The following TLE6 variants were observed in gnomAD, a reference collection of about 807,000 sequenced individuals.
TLE6 encodes the protein transducin-like enhancer protein 6.
Under a neutral mutation model 77.1 loss-of-function variants are expected in TLE6, and 72 were observed. The observed-to-expected ratio is 0.93, with a 90% CI of 0.77 to 1.14. TLE6 has a LOEUF of 1.14. TLE6 is among the 50% of genes most tolerant of loss of function. The pLI, the probability that TLE6 is intolerant of heterozygous loss-of-function variation, is 0.00. For synonymous variants in TLE6, 366 were observed against 287.3 expected, an observed-to-expected ratio of 1.27 and a Z score of -2.77; for missense variants, 843 against 747.6, an observed-to-expected ratio of 1.13 and a Z score of -1.49.
At chr19:2,977,779 A>G (rs2088707496) in intron 1 of TLE6, among the ~76,000 whole-genome samples, 169 bp downstream of exon 1, 1 of 152,088 alleles carries the variant, frequency 6.6e-6, no homozygotes, top group Non-Finnish European at 1.5e-5. Context: ...TGTCTGATGA[A>G]TTCCGCCTAA....
At chr19:2,993,728 G>A (rs1395686320) in intron 15 of TLE6, 146 bp downstream of exon 15, 1 of 1,089,402 alleles carries the variant, frequency 9.2e-7, no homozygotes, top group Non-Finnish European at 1.3e-6. Context: ...TGCTCTTATA[G>A]TGGAATGAGG....
intron 13 of TLE6, among the ~76,000 whole-genome samples, chr19:2,990,596 ACT>A (rs1371750964): frequency 6.7e-6 from 1 of 149,116 alleles, no homozygotes; most frequent in South Asian, 2.1e-4. Context: ...ACAGAGCAAG[ACT>A]CTGTCTCAAA....
chr19:2,990,468 G>C (rs986822398), intron 13 of TLE6, among the ~76,000 whole-genome samples: 4 of 150,704 alleles, frequency 2.7e-5, no homozygotes, highest in Non-Finnish European at 5.9e-5. Context: ...GCCAGGCGCG[G>C]TGGTGGGTAC....
At position 2,993,997 on chromosome 19, in the gene TLE6, G is replaced by A. The variant is rs372757142; in HGVS notation, c.1538-22G>A. On this transcript the variant is annotated intron_variant, in intron 15 of 16. Transcript: ENST00000246112. ...GAAAAAGGTAGTGGTTCTAAGTCTC[G>A]CTGATGCTCCATTTCTCCCAGGCCA... 1.7e-5 allele frequency: 27 copies of A among 1,588,482 alleles called. No homozygotes were observed. The Admixed American group carries it at 2.2e-4, about 13-fold the overall frequency.
chr19:2,986,726 A>G (rs2088919371), intron 5 of TLE6, 103 bp from the exon 6 acceptor site: 2 of 1,182,716 alleles, frequency 1.7e-6, no homozygotes, highest in East Asian at 2.6e-5. Context: ...AAAAACAAGT[A>G]GATTGATATA....
At chr19:2,990,386 G>A (rs1300219289) in intron 13 of TLE6, among the ~76,000 whole-genome samples, 2 of 150,648 alleles carry the variant, frequency 1.3e-5, no homozygotes, top group East Asian at 2.0e-4. Context: ...GCAGATCCAC[G>A]AGGTCAGGAG....
rs1241035957 is a variant in TLE6 at position 2,987,174 on chromosome 19, G to A, written c.477G>A (p.Leu159=). The stretch of plus-strand genomic sequence containing the variant: ...AGCCTTGGTTTTGGCACGACACTCT[G>A]ACCGAGCAACTCTGGCGGATTTTTG... ...DKEPWFWHDT[L]TEQLWRIFAG... is the part of the protein sequence containing the mutation. The change falls in exon 7 of 17, where the codon CTG becomes CTA. Residue 159 remains leucine (L), a synonymous_variant. Coordinates refer to ENST00000246112, the MANE Select transcript of TLE6 (RefSeq NM_001143986.2). 1 of 1,613,910 alleles carries A rather than the reference G, an allele frequency of 6.2e-7. No homozygotes were observed. Among genetic ancestry groups the A allele is most frequent in the East Asian group, 2.2e-5 (1 of 44,888 alleles).
At position 2,989,582 on chromosome 19, in the gene TLE6, G is replaced by A; in HGVS notation, c.1041G>A (p.Arg347=). The part of the protein sequence containing the change: ...LRTCLLSSNS[R]SLLTGGYNLA... The stretch of plus-strand genomic sequence containing the variant: ...CCTGCCTGCTGTCCTCAAACAGCAG[G>A]AGCCTGCTCACCGGTGGCTACAACC... The change falls in exon 13 of 17, where the codon AGG becomes AGA. Residue 347 remains arginine, a synonymous_variant. Transcript: ENST00000246112. The A allele has an allele frequency of 6.2e-7, 1 of 1,613,734 alleles. No homozygotes were observed. Among genetic ancestry groups the A allele is most frequent in the Non-Finnish European group, 8.5e-7 (1 of 1,179,944 alleles).
intron 4 of TLE6, 141 bp from the exon 5 acceptor site, chr19:2,982,007 G>T: frequency 2.5e-6 from 2 of 793,418 alleles, no homozygotes; most frequent in South Asian, 1.7e-5. Context: ...AGTGTAGTAA[G>T]AAAGTAAAAG....
chr19:2,981,490 G>A lies in TLE6; in HGVS notation c.135-48G>A, dbSNP rs781102891. On this transcript the variant is annotated intron_variant, in intron 3 of 16. Coordinates refer to ENST00000246112, the MANE Select transcript of TLE6 (RefSeq NM_001143986.2). The stretch of plus-strand genomic sequence containing the variant: ...TGAGGGTGGGGCTCACTCTGGGGAG[G>A]GAGTCCTGAAGCCACAGGTCTTCCA... 9.4e-5 allele frequency: 145 copies of A among 1,545,662 alleles called. 1 individual carries two copies. The highest frequency in any genetic ancestry group is 6.3e-4 in the African/African-American group (46 of 73,008).
chr19:2,993,920 CAAAA>C (rs34647224), intron 15 of TLE6, 95 bp from the exon 16 acceptor site: 14,895 of 523,996 alleles, frequency 0.028, 2 homozygotes, highest in East Asian at 0.043. Flanking sequence ...GACCCTGTCT[CAAAA>C]AAAAAAAAAA....
chr19:2,990,465 G>A (rs1304249761), intron 13 of TLE6, among the ~76,000 whole-genome samples: 1 of 150,524 alleles, frequency 6.6e-6, no homozygotes, highest in Non-Finnish European at 1.5e-5. Flanking sequence ...TTAGCCAGGC[G>A]CGGTGGTGGG....
chr19:2,983,355 G>C (rs1448325146), intron 5 of TLE6, among the ~76,000 whole-genome samples: 1 of 152,166 alleles, frequency 6.6e-6, no homozygotes, highest in African/African-American at 2.4e-5. Context: ...GCAAGGCGGG[G>C]GATGGAAGAG....
In TLE6 at chr19:2,995,060, C is replaced by A. The variant is rs1568223523; in HGVS notation, c.*56C>A. Reference sequence around the variant, plus strand: ...TCCTCTTTTCATCCCCCCCCTTCCCCCCCCCCAACAAGGGGGACATGGTGG... The same window carrying A: ...TCCTCTTTTCATCCCCCCCCTTCCCACCCCCCAACAAGGGGGACATGGTGG... On this transcript the variant is annotated 3_prime_UTR_variant, in exon 17 of 17. Transcript: ENST00000246112. 3 of 1,027,458 alleles carry A rather than the reference C, an allele frequency of 2.9e-6. No individual in the cohort carries two copies. The highest frequency in any genetic ancestry group is 4.1e-5 in the Admixed American group (2 of 48,502). The allele number at this position is 1,027,458 out of a possible 1,614,324, so 63.6% of individuals were successfully genotyped here.
intron 13 of TLE6, 52 bp from the exon 14 acceptor site, chr19:2,991,791 C>T (rs2089071386): frequency 3.8e-6 from 6 of 1,587,438 alleles, no homozygotes; most frequent in African/African-American, 2.7e-5. Context: ...TTTCCGGGGG[C>T]CCAAACCTCA....
chr19:2,990,367 C>A (rs1404611865), intron 13 of TLE6, among the ~76,000 whole-genome samples: 1 of 151,448 alleles, frequency 6.6e-6, no homozygotes, highest in African/African-American at 2.4e-5. Context: ...GTTAGGGAGG[C>A]CGAGGCAGGC....
At chr19:2,980,749 A>G (rs2088781582) in intron 3 of TLE6, among the ~76,000 whole-genome samples, 1 of 145,324 alleles carries the variant, frequency 6.9e-6, no homozygotes, top group Admixed American at 7.0e-5. Context: ...AAAAAAAAAA[A>G]AAAAAAAAAG....
chr19:2,981,678 A>C, intron 4 of TLE6, 95 bp downstream of exon 4: 1 of 1,359,140 alleles, frequency 7.4e-7, no homozygotes, highest in Non-Finnish European at 1.0e-6. Context: ...TGCCCTAGAG[A>C]GGTTCTTTTC....
intron 5 of TLE6, among the ~76,000 whole-genome samples, chr19:2,985,436 C>T: frequency 8.1e-6 from 1 of 123,184 alleles, no homozygotes; most frequent in Non-Finnish European, 1.6e-5. Context: ...AAGTCTCGCT[C>T]TGTCACCCAG....
Sources: allele counts gnomAD v4.1 joint callset (sites outside exome capture counted in the v4.1 genomes callset), GRCh38; gene constraint gnomAD v4.1.1; transcripts MANE v1.5; gene names NCBI Gene and HGNC (gene_info 2026-07-23, HGNC 2026-07-21).